Variants in AAK1 observed in about 807,000 individuals in gnomAD.
AAK1 encodes AP2 associated kinase 1, also known as AP2-associated protein kinase 1.
Under a neutral mutation model 116.0 loss-of-function variants are expected in AAK1, and 37 were observed. That is an observed-to-expected ratio of 0.32 (90% confidence interval 0.25 to 0.42). The LOEUF (loss-of-function observed/expected upper bound fraction) is 0.42, where lower values mean the gene tolerates loss of function less well. Among genes scored for constraint, AAK1 ranks in the 10% least tolerant of loss-of-function variants. AAK1 has a pLI of 1.00. For missense variants in AAK1, 919 were observed against 1,170.6 expected, an observed-to-expected ratio of 0.79 and a Z score of 3.14; for synonymous variants, 458 against 439.9, an observed-to-expected ratio of 1.04 and a Z score of -0.51.
intron 12 of AAK1, among the ~76,000 whole-genome samples, chr2:69,516,205 T>C (rs1676572568): frequency 2.0e-5 from 3 of 151,208 alleles, no homozygotes; most frequent in Non-Finnish European, 4.4e-5. Context: ...AAGGGTAAAA[T>C]GGGCAAGGAA....
intron 3 of AAK1, among the ~76,000 whole-genome samples, chr2:69,545,533 G>A (rs1670887238): frequency 6.6e-6 from 1 of 152,162 alleles, no homozygotes; most frequent in African/African-American, 2.4e-5. Context: ...AGTTTGGACC[G>A]TGAGAACAGA....
chr2:69,508,960 T>A (rs965601617), intron 14 of AAK1, among the ~76,000 whole-genome samples: 1 of 152,104 alleles, frequency 6.6e-6, no homozygotes, highest in African/African-American at 2.4e-5. Context: ...GGTGAGAGAA[T>A]GAGAACAGTG....
Position 69,468,135 on chromosome 2 carries a change from C to T in AAK1, c.*7734G>A, listed in dbSNP as rs1674549935. On this transcript the variant is annotated 3_prime_UTR_variant, in exon 22 of 22. Transcript: ENST00000409085. ...AGATTTTGAAAAGAATAAATTTTTC[C>T]TTGTATTATAATTTTAGTATGTGCA... The T allele has an allele frequency of 4.1e-6, 4 of 984,918 alleles. No homozygotes were observed. The South Asian group carries it at 1.4e-4, about 35-fold the overall frequency. The allele number at this position is 984,918 out of a possible 1,614,324, so 61.0% of individuals were successfully genotyped here.
At chr2:69,630,340 T>TG (rs1354946859) in intron 2 of AAK1, among the ~76,000 whole-genome samples, 31,338 of 68,280 alleles carry the variant, frequency 0.46, 5,232 homozygotes, top group Non-Finnish European at 0.57. Context: ...GGGCGGGGGG[T>TG]GGGGGGGGAG....
rs1396020919 is a variant in AAK1, at chr2:69,467,076, A to C, written c.*8793T>G. ...AATGCAAGTTTACTTGATGACTTAC[A>C]TCACAAGCACTACTCAAAGAGCATA... On this transcript the variant is annotated 3_prime_UTR_variant, in exon 22 of 22. Coordinates refer to ENST00000409085, the MANE Select transcript of AAK1 (RefSeq NM_014911.5). The C allele has an allele frequency of 1.0e-6, 1 of 985,300 alleles. No individual in the cohort carries two copies. Among genetic ancestry groups the C allele is most frequent in the African/African-American group, 1.7e-5 (1 of 57,248 alleles). The allele number at this position is 985,300 out of a possible 1,614,324, so 61.0% of individuals were successfully genotyped here.
At chr2:69,623,267 C>T (rs1249245862) in intron 2 of AAK1, among the ~76,000 whole-genome samples, 3 of 152,148 alleles carry the variant, frequency 2.0e-5, no homozygotes, top group South Asian at 2.1e-4. Context: ...ACACTCACTG[C>T]GAGGGTCCGC....
At chr2:69,543,420 T>A (rs889651341) in intron 4 of AAK1, among the ~76,000 whole-genome samples, 5 of 152,254 alleles carry the variant, frequency 3.3e-5, no homozygotes, top group African/African-American at 1.2e-4. Flanking sequence ...AGTATCTTCT[T>A]TTTTTTGAGA....
chr2:69,557,074 G>A, intron 2 of AAK1, 96 bp from the exon 3 acceptor site: 1 of 827,888 alleles, frequency 1.2e-6, no homozygotes, highest in Non-Finnish European at 2.0e-6. Context: ...CACTGCTAAT[G>A]GTACTAATGC....
intron 2 of AAK1, among the ~76,000 whole-genome samples, chr2:69,591,073 T>C (rs2105170262): frequency 6.6e-6 from 1 of 152,354 alleles, no homozygotes; most frequent in East Asian, 1.9e-4. Context: ...TCTATGTCCA[T>C]ATTGTATGGA....
chr2:69,474,367 T>C lies in AAK1; in HGVS notation c.*1502A>G. ...TGGGGTTCTCTGTGCCCACTTCTTTTCAAAAGGGTGATTTTATAAAAGTGC... is the reference window on the plus strand; with the variant it reads ...TGGGGTTCTCTGTGCCCACTTCTTTCCAAAAGGGTGATTTTATAAAAGTGC... On this transcript the variant is annotated 3_prime_UTR_variant, in exon 22 of 22. Transcript: ENST00000409085. 2 of 985,848 alleles carry C rather than the reference T, an allele frequency of 2.0e-6. No individual in the cohort carries two copies. The highest frequency in any genetic ancestry group is 4.7e-5 in the South Asian group (1 of 21,284). The allele number at this position is 985,848 out of a possible 1,614,324, so 61.1% of individuals were successfully genotyped here. A position where few individuals can be genotyped will look rare whatever the true frequency, so the allele number is the denominator to read the frequency against.
chr2:69,608,573 T>C (rs549756814), intron 2 of AAK1, among the ~76,000 whole-genome samples: 5 of 152,198 alleles, frequency 3.3e-5, no homozygotes, highest in Non-Finnish European at 5.9e-5. Context: ...AATTAAAACT[T>C]TGAATACTGG....
At chr2:69,478,768 T>C (rs1432080799) in intron 20 of AAK1, 183 bp downstream of exon 20, 4 of 536,618 alleles carry the variant, frequency 7.5e-6, no homozygotes, top group African/African-American at 5.8e-5. Context: ...GTCTAAGTCT[T>C]AGTAAATATT....
At chr2:69,639,914 C>A (rs1431939900) in intron 2 of AAK1, among the ~76,000 whole-genome samples, 1 of 151,924 alleles carries the variant, frequency 6.6e-6, no homozygotes, top group Non-Finnish European at 1.5e-5. Flanking sequence ...GGTGAGGACT[C>A]TGCAAAGAAC....
In AAK1 at chr2:69,562,839, G is replaced by C. The variant is rs555839787; in HGVS notation, c.164-5861C>G. On this transcript the variant is annotated intron_variant, in intron 2 of 21. Transcript: ENST00000409085. ...TGGGAGGCGGAGGTTGCAGTGAGCTGAGATCGCACCACTGCACTCCAGCCT... is the reference window on the plus strand; with the variant it reads ...TGGGAGGCGGAGGTTGCAGTGAGCTCAGATCGCACCACTGCACTCCAGCCT... Among the ~76,000 whole-genome samples, 8 of 152,302 alleles carry C rather than the reference G, an allele frequency of 5.3e-5. No individual in the cohort carries two copies. In the East Asian group the frequency reaches 1.4e-3, roughly 26 times the overall value.
rs564371477 is a variant in AAK1, at chr2:69,554,878, C to T, written c.282+1982G>A. Among the ~76,000 whole-genome samples the T allele has an allele frequency of 3.3e-5, 5 of 152,336 alleles. No homozygotes were observed. In the South Asian group the frequency reaches 8.3e-4, roughly 25 times the overall value. On this transcript the variant is annotated intron_variant, in intron 3 of 21. Transcript: ENST00000409085. ...CAGCTAATACGCCTCTGGGCCAAAACTTGAACCTGTGTGATTTAACTCTTA... is the reference window on the plus strand; with the variant it reads ...CAGCTAATACGCCTCTGGGCCAAAATTTGAACCTGTGTGATTTAACTCTTA...
At chr2:69,643,521 G>C (rs1675851869) in intron 1 of AAK1, 54 bp downstream of exon 1, 2 of 1,225,296 alleles carry the variant, frequency 1.6e-6, no homozygotes, top group East Asian at 6.4e-5. Context: ...ACTGCCTCCC[G>C]CTCCTCCCGG....
At chr2:69,506,159 C>T (rs1255038522) in intron 15 of AAK1, among the ~76,000 whole-genome samples, 1 of 152,108 alleles carries the variant, frequency 6.6e-6, no homozygotes, top group African/African-American at 2.4e-5. Context: ...TGAAAGCTGA[C>T]AGCTGAACAG....
At chr2:69,587,399 A>G (rs1424311487) in intron 2 of AAK1, among the ~76,000 whole-genome samples, 5 of 151,688 alleles carry the variant, frequency 3.3e-5, no homozygotes, top group African/African-American at 1.2e-4. Context: ...ACGTGTGTAC[A>G]TATATACACA....
intron 2 of AAK1, among the ~76,000 whole-genome samples, chr2:69,612,236 T>G (rs1031055125): frequency 2.0e-5 from 3 of 152,256 alleles, no homozygotes; most frequent in African/African-American, 7.2e-5. Flanking sequence ...ATGTACTTAA[T>G]GCCATAGAAC....
Sources: gnomAD v4.1 joint callset for allele counts (sites outside exome capture counted in the v4.1 genomes callset) on GRCh38, gnomAD v4.1.1 for gene constraint, MANE v1.5 for transcripts, NCBI Gene and HGNC (gene_info 2026-07-23, HGNC 2026-07-21) for gene names.